Variants in JARID2 observed in about 807,000 individuals in gnomAD.
JARID2 encodes the protein protein Jumonji.
Under a neutral mutation model 125.6 loss-of-function variants are expected in JARID2, and 21 were observed. The ratio of observed to expected loss-of-function variants is 0.17; its 90% confidence interval spans 0.12 to 0.24. The LOEUF is 0.24. JARID2 is among the 10% of genes least tolerant of loss of function. JARID2 has a pLI of 1.00. For missense variants in JARID2, 1,303 were observed against 1,639.6 expected, an observed-to-expected ratio of 0.79 and a Z score of 3.55; for synonymous variants, 736 against 661.6, an observed-to-expected ratio of 1.11 and a Z score of -1.73.
intron 4 of JARID2, among the ~76,000 whole-genome samples, chr6:15,455,558 G>T (rs1768124940): frequency 6.6e-6 from 1 of 152,104 alleles, no homozygotes; most frequent in Non-Finnish European, 1.5e-5. Flanking sequence ...TTGAGACAGA[G>T]TCTCACTCTG....
intron 5 of JARID2, among the ~76,000 whole-genome samples, chr6:15,487,013 G>A (rs1223626123): frequency 6.6e-6 from 1 of 152,064 alleles, no homozygotes; most frequent in Admixed American, 6.6e-5. Flanking sequence ...CAATCATTGT[G>A]GAAGTCGAAG....
At chr6:15,468,856 C>A in intron 5 of JARID2, 138 bp downstream of exon 5, 1 of 760,918 alleles carries the variant, frequency 1.3e-6, no homozygotes, top group Non-Finnish European at 2.1e-6. Flanking sequence ...ACTTCATGGG[C>A]AAAGGGATTA....
At chr6:15,483,306 G>A (rs1161015587) in intron 5 of JARID2, among the ~76,000 whole-genome samples, 3 of 151,868 alleles carry the variant, frequency 2.0e-5, no homozygotes, top group African/African-American at 7.3e-5. Context: ...GTCACACAAA[G>A]TATGTGTGCT....
chr6:15,384,094 T>C (rs1267426599), intron 2 of JARID2, among the ~76,000 whole-genome samples: 1 of 152,184 alleles, frequency 6.6e-6, no homozygotes, highest in Non-Finnish European at 1.5e-5. Flanking sequence ...GTGCCCAACC[T>C]ATTTTTTTAT....
chr6:15,521,893 CATTTA>C lies in JARID2; in HGVS notation c.*1648_*1652del, dbSNP rs1771876311. ...CTTCTGCCTATGGCTTACAGTTTGA[CATTTA>C]ATTTATTAGCGCTGCTCTGCACCCC... On this transcript the variant is annotated 3_prime_UTR_variant, in exon 18 of 18. Transcript: ENST00000341776. 1 of 152,188 alleles carries C rather than the reference CATTTA, an allele frequency of 6.6e-6. No individual in the cohort carries two copies. The highest frequency in any genetic ancestry group is 1.5e-5 in the Non-Finnish European group (1 of 68,042). 9.4% of individuals were successfully genotyped at this position (152,188 alleles called of 1,614,324 possible).
intron 3 of JARID2, among the ~76,000 whole-genome samples, chr6:15,442,295 C>T (rs530697149): frequency 3.9e-5 from 6 of 152,048 alleles, no homozygotes; most frequent in East Asian, 1.9e-4. Flanking sequence ...GGAATCCCAT[C>T]GAGAGATAGT....
chr6:15,376,424 A>G (rs959497287), intron 2 of JARID2, among the ~76,000 whole-genome samples: 2 of 152,128 alleles, frequency 1.3e-5, no homozygotes, highest in African/African-American at 4.8e-5. Context: ...TGCTTTAAGA[A>G]TCATTATTTT....
chr6:15,390,203 G>A (rs534203861), intron 2 of JARID2, among the ~76,000 whole-genome samples: 12 of 152,242 alleles, frequency 7.9e-5, no homozygotes, highest in African/African-American at 2.9e-4. Context: ...TCAGTCTGAT[G>A]AGAAACCCAA....
intron 12 of JARID2, chr6:15,508,849 G>T: frequency 1.5e-6 from 1 of 647,394 alleles, no homozygotes; most frequent in South Asian, 1.8e-5. Context: ...TTCACCTTAG[G>T]GTTAAGGAAC....
Position 15,496,571 on chromosome 6 carries a change from A to C in JARID2, c.1346A>C (p.Gln449Pro). 1 of 1,604,894 alleles carries C rather than the reference A, an allele frequency of 6.2e-7. No homozygotes were observed. ...AAGAGGAGACTGGAAGAGGCACACC[A>C]GGCGGAGAAGCCGCAGTCGCCCCCC... ...NSKRRLEEAH[Q>P]AEKPQSPPKK... The change falls in exon 7 of 18, where the codon CAG (glutamine) becomes CCG (proline). Residue 449 changes from glutamine (Q) to proline (P), a missense_variant. By Grantham distance (76) the Gln-to-Pro change is moderately conservative. Transcript: ENST00000341776.
Position 15,501,391 on chromosome 6 carries a change from C to T in JARID2, c.2430C>T (p.Phe810=). The T allele has an allele frequency of 6.5e-7, 1 of 1,547,400 alleles. No homozygotes were observed. The highest frequency in any genetic ancestry group is 8.7e-7 in the Non-Finnish European group (1 of 1,147,712). Residue 810 remains phenylalanine (F), a synonymous_variant, in exon 8 of 18, where the codon TTC becomes TTT. Coordinates refer to ENST00000341776, the MANE Select transcript of JARID2 (RefSeq NM_004973.4). ...AGGACAAAGGCGTCCTCAATGACTT[C>T]CACAAGTGCATCTATAAGGTAGGGG... ...EEEDKGVLND[F]HKCIYKGRSV...
chr6:15,325,769 T>C (rs1002116104), intron 1 of JARID2, among the ~76,000 whole-genome samples: 11 of 152,174 alleles, frequency 7.2e-5, no homozygotes, highest in Admixed American at 2.6e-4. Context: ...TGGTAAAAAC[T>C]GAGACATTAT....
intron 1 of JARID2, among the ~76,000 whole-genome samples, chr6:15,331,951 C>G (rs1429425287): frequency 1.3e-5 from 2 of 152,092 alleles, no homozygotes; most frequent in African/African-American, 4.8e-5. Flanking sequence ...GACTTAATGT[C>G]CCTCCTTCCG....
Position 15,350,415 on chromosome 6 carries a change from C to T in JARID2, c.46-23702C>T, listed in dbSNP as rs556106670. 7.9e-5 allele frequency among the ~76,000 whole-genome samples: 12 copies of T among 152,310 alleles called. No homozygotes were observed. In the South Asian group the frequency reaches 2.1e-3, roughly 26 times the overall value. On this transcript the variant is annotated intron_variant, in intron 1 of 17. Coordinates refer to ENST00000341776, the MANE Select transcript of JARID2 (RefSeq NM_004973.4). ...CTTGAGCTGGAGATGTTAATCAAAA[C>T]GTGCATCTAATCAGGTGTTCGTCTT...
chr6:15,495,472 G>A (rs1312914002), intron 6 of JARID2, among the ~76,000 whole-genome samples: 5 of 152,300 alleles, frequency 3.3e-5, no homozygotes, highest in Admixed American at 6.5e-5. Flanking sequence ...TCCAGGGCTC[G>A]TCTCCACAAG....
intron 3 of JARID2, among the ~76,000 whole-genome samples, chr6:15,440,891 A>G (rs754395164): frequency 3.3e-5 from 5 of 152,196 alleles, no homozygotes; most frequent in Non-Finnish European, 7.3e-5. Context: ...GTCAGAGACA[A>G]TGTGTCAGTT....
chr6:15,444,565 G>C (rs865785500), intron 3 of JARID2, among the ~76,000 whole-genome samples: 2 of 151,928 alleles, frequency 1.3e-5, no homozygotes, highest in East Asian at 1.9e-4. Flanking sequence ...GTGTGTGTCT[G>C]GGGGGCGAAT....
chr6:15,500,880 C>A (rs903409645), intron 7 of JARID2, 27 bp from the exon 8 acceptor site: 1 of 1,562,990 alleles, frequency 6.4e-7, no homozygotes, highest in Non-Finnish European at 8.7e-7. Context: ...ACTAACTGTC[C>A]CGTTTTTTTC....
chr6:15,475,925 T>C (rs1444595415), intron 5 of JARID2, among the ~76,000 whole-genome samples: 3 of 152,172 alleles, frequency 2.0e-5, no homozygotes, highest in Admixed American at 6.5e-5. Context: ...GGCATCACGA[T>C]TGTGTATTCA....
Sources: gnomAD v4.1 joint callset for allele counts (sites outside exome capture counted in the v4.1 genomes callset) on GRCh38, gnomAD v4.1.1 for gene constraint, MANE v1.5 for transcripts, NCBI Gene and HGNC (gene_info 2026-07-23, HGNC 2026-07-21) for gene names.